DACH2: variants seen among roughly 807,000 people sequenced by gnomAD.
DACH2 encodes the protein dachshund homolog 2.
A neutral mutation model predicts 35.8 loss-of-function variants in DACH2; 17 were observed. That is an observed-to-expected ratio of 0.48 (90% confidence interval 0.33 to 0.71). The LOEUF is 0.71. Among genes scored for constraint, DACH2 ranks in the 30% least tolerant of loss-of-function variants. DACH2 has a pLI of 0.02. For synonymous variants in DACH2, 195 were observed against 177.3 expected, an observed-to-expected ratio of 1.10 and a Z score of -0.79; for missense variants, 469 against 472.7, an observed-to-expected ratio of 0.99 and a Z score of 0.07.
chrX:86,659,682 A>G (rs2040583772), intron 4 of DACH2, among the ~76,000 whole-genome samples: 1 of 111,658 alleles, frequency 9.0e-6, no homozygotes, highest in Admixed American at 9.6e-5. Flanking sequence ...TTTTTTGTAC[A>G]TTAATGCTAA....
chrX:86,521,724 T>C (rs903175425), intron 3 of DACH2, among the ~76,000 whole-genome samples: 1 of 111,992 alleles, frequency 8.9e-6, no homozygotes, highest in African/African-American at 3.2e-5. Context: ...GGTGGAGGAA[T>C]CTGCAGAGCT....
chrX:86,649,132 C>T (rs779451566), intron 3 of DACH2, among the ~76,000 whole-genome samples: 2 of 110,473 alleles, frequency 1.8e-5, no homozygotes, highest in Admixed American at 9.7e-5. Flanking sequence ...ATCTTTTGTA[C>T]GAATTAAAAA....
chrX:86,832,085 C>A (rs894755146), intron 11 of DACH2, 21 bp from the exon 12 acceptor site: 1 of 1,126,391 alleles, frequency 8.9e-7, no homozygotes, highest in Non-Finnish European at 1.2e-6. Flanking sequence ...TAAGAACTAA[C>A]TTGTTTTCTT....
intron 1 of DACH2, among the ~76,000 whole-genome samples, chrX:86,367,715 TTA>T (rs2035826508): frequency 9.0e-6 from 1 of 111,627 alleles, no homozygotes; most frequent in Non-Finnish European, 1.9e-5. Flanking sequence ...CCAAGTTTCC[TTA>T]TGCCTTGTTC....
chrX:86,439,183 T>C (rs1306258076), intron 2 of DACH2, among the ~76,000 whole-genome samples: 3 of 112,388 alleles, frequency 2.7e-5, no homozygotes, highest in Non-Finnish European at 5.6e-5. Context: ...GTTAGCCATT[T>C]GTATGTCTTC....
chrX:86,388,427 C>T (rs72633144), intron 2 of DACH2, among the ~76,000 whole-genome samples: 14,629 of 110,892 alleles, frequency 0.13, 857 homozygotes, highest in East Asian at 0.31. Flanking sequence ...ATAGGGCCCT[C>T]ATGTCTCCCA....
intron 2 of DACH2, among the ~76,000 whole-genome samples, chrX:86,415,646 A>T (rs2036691562): frequency 9.0e-6 from 1 of 111,574 alleles, no homozygotes; most frequent in African/African-American, 3.3e-5. Context: ...GCTGAATGAT[A>T]TGGAAATACT....
At chrX:86,795,954 C>T (rs2042232919) in intron 7 of DACH2, among the ~76,000 whole-genome samples, 1 of 110,744 alleles carries the variant, frequency 9.0e-6, no homozygotes, top group Non-Finnish European at 1.9e-5. Context: ...AGTGCGGACC[C>T]AAAGAGTGAG....
At chrX:86,588,732 C>A (rs1287359549) in intron 3 of DACH2, among the ~76,000 whole-genome samples, 3 of 111,103 alleles carry the variant, frequency 2.7e-5, no homozygotes, top group East Asian at 2.8e-4. Flanking sequence ...ACCTTTCCTG[C>A]AGTCATTTAT....
At chrX:86,765,262 G>A (rs747016426) in intron 7 of DACH2, among the ~76,000 whole-genome samples, 4 of 111,387 alleles carry the variant, frequency 3.6e-5, no homozygotes, top group Non-Finnish European at 7.5e-5. Context: ...TGTTTATGTT[G>A]CAATTGCTTT....
At position 86,323,740 on chromosome X, in the gene DACH2, G is replaced by A. The variant is rs189528575; in HGVS notation, c.489-53084G>A. 4.5e-5 allele frequency among the ~76,000 whole-genome samples: 5 copies of A among 111,019 alleles called. No homozygotes were observed. In the East Asian group the frequency reaches 8.6e-4, roughly 19 times the overall value. ...GGACCTATTCCAGCCCTGCACAACG[G>A]CAAAGTTCTCCATTAAAGGAAACTT... On this transcript the variant is annotated intron_variant, in intron 1 of 11. Coordinates refer to ENST00000373125, the MANE Select transcript of DACH2 (RefSeq NM_053281.3).
intron 7 of DACH2, among the ~76,000 whole-genome samples, chrX:86,806,053 T>C (rs1418197066): frequency 1.8e-5 from 2 of 111,655 alleles, no homozygotes; most frequent in African/African-American, 6.5e-5. Flanking sequence ...TTTTTAGGTA[T>C]CTTTATAGCA....
At chrX:86,247,580 G>C (rs2033311728) in intron 1 of DACH2, among the ~76,000 whole-genome samples, 1 of 110,905 alleles carries the variant, frequency 9.0e-6, no homozygotes, top group African/African-American at 3.3e-5. Flanking sequence ...TTGAATCTCT[G>C]AACAGACTTA....
chrX:86,276,709 G>A (rs1472284741), intron 1 of DACH2, among the ~76,000 whole-genome samples: 2 of 111,914 alleles, frequency 1.8e-5, no homozygotes, highest in East Asian at 5.7e-4. Context: ...TTTTGTATAT[G>A]GCAAGAGATA....
intron 1 of DACH2, among the ~76,000 whole-genome samples, chrX:86,315,072 A>G (rs967487999): frequency 2.4e-4 from 27 of 112,334 alleles, no homozygotes; most frequent in African/African-American, 8.1e-4. Context: ...AGTCAATGCC[A>G]GGCTTCAAAA....
intron 1 of DACH2, among the ~76,000 whole-genome samples, chrX:86,363,453 G>A (rs760424582): frequency 3.1e-4 from 35 of 111,308 alleles, no homozygotes; most frequent in Admixed American, 2.9e-3. Flanking sequence ...ATTTGATCAT[G>A]TGTGTGATCC....
At chrX:86,608,496 T>A (rs1030405964) in intron 3 of DACH2, among the ~76,000 whole-genome samples, 1 of 112,229 alleles carries the variant, frequency 8.9e-6, no homozygotes, top group African/African-American at 3.2e-5. Context: ...AACAGTGTTA[T>A]TACAGTCTGT....
rs759137739 is a variant in DACH2, at chrX:86,696,790, C to T, written c.931+1611C>T. Reference sequence around the variant, plus strand: ...CTGTCTTATGGGGCCCCTACACTTTCATGAGTTTTATTTCTAGGAGCCATA... The same window carrying T: ...CTGTCTTATGGGGCCCCTACACTTTTATGAGTTTTATTTCTAGGAGCCATA... On this transcript the variant is annotated intron_variant, in intron 5 of 11. Coordinates refer to ENST00000373125, the MANE Select transcript of DACH2 (RefSeq NM_053281.3). Among the ~76,000 whole-genome samples, 5 of 111,334 alleles carry T rather than the reference C, an allele frequency of 4.5e-5. No homozygotes were observed. The East Asian group carries it at 1.1e-3, about 26-fold the overall frequency.
chrX:86,730,834 C>T (rs1269895052), intron 6 of DACH2, among the ~76,000 whole-genome samples: 6 of 111,534 alleles, frequency 5.4e-5, no homozygotes, highest in African/African-American at 1.6e-4. Context: ...ATGTATCTAC[C>T]TTCTCATTGC....
Sources: allele counts gnomAD v4.1 joint callset (sites outside exome capture counted in the v4.1 genomes callset), GRCh38; gene constraint gnomAD v4.1.1; transcripts MANE v1.5; gene names NCBI Gene and HGNC (gene_info 2026-07-23, HGNC 2026-07-21).